CLIC4: variants seen among roughly 807,000 people sequenced by gnomAD.
CLIC4 encodes the protein CLIC family member 4.
A neutral mutation model predicts 24.6 loss-of-function variants in CLIC4; 13 were observed. The observed-to-expected ratio is 0.53, with a 90% CI of 0.34 to 0.84. CLIC4 has a LOEUF of 0.84. Ranked by LOEUF, CLIC4 falls within the 40% of genes least tolerant of loss-of-function variation. CLIC4 has a pLI of 0.01. For missense variants in CLIC4, 227 were observed against 301.7 expected, an observed-to-expected ratio of 0.75 and a Z score of 1.83; for synonymous variants, 104 against 111.3, an observed-to-expected ratio of 0.93 and a Z score of 0.41.
chr1:24,779,259 C>T (rs961887484), intron 1 of CLIC4, among the ~76,000 whole-genome samples: 3 of 152,064 alleles, frequency 2.0e-5, no homozygotes, highest in Non-Finnish European at 4.4e-5. Context: ...CGCTTGAGCC[C>T]AGGGGTTCAA....
At position 24,843,462 on chromosome 1, in the gene CLIC4, T is replaced by C. The variant is rs1358298162; in HGVS notation, c.*2525T>C. ...ATTTAAACACCTTTTGTGTTTTACT[T>C]CAGTGAGGAGATTGGAGTCTGAATG... is the stretch of plus-strand genomic sequence containing the variant. On this transcript the variant is annotated 3_prime_UTR_variant, in exon 6 of 6. Coordinates refer to ENST00000374379, the MANE Select transcript of CLIC4 (RefSeq NM_013943.3). 6.6e-6 allele frequency: 1 copy of C among 152,178 alleles called. No individual in the cohort carries two copies. Among genetic ancestry groups the C allele is most frequent in the Non-Finnish European group, 1.5e-5 (1 of 68,010 alleles). The allele number at this position is 152,178 out of a possible 1,614,324, so 9.4% of individuals were successfully genotyped here. A position where few individuals can be genotyped will look rare whatever the true frequency, so the allele number is the denominator to read the frequency against.
chr1:24,789,059 T>A (rs1639304595), intron 1 of CLIC4, among the ~76,000 whole-genome samples: 1 of 152,206 alleles, frequency 6.6e-6, no homozygotes, highest in Non-Finnish European at 1.5e-5. Flanking sequence ...TGGTCTCTAG[T>A]GTTTTGCTGT....
intron 3 of CLIC4, among the ~76,000 whole-genome samples, chr1:24,824,589 T>C (rs1230620579): frequency 6.6e-6 from 1 of 152,144 alleles, no homozygotes; most frequent in Non-Finnish European, 1.5e-5. Flanking sequence ...TACTTTTAAT[T>C]AGCTGAGTGA....
intron 1 of CLIC4, among the ~76,000 whole-genome samples, chr1:24,758,204 GTATT>G (rs1227642709): frequency 3.3e-5 from 5 of 151,766 alleles, no homozygotes; most frequent in African/African-American, 1.2e-4. Flanking sequence ...AAAGCTATAT[GTATT>G]TACTCTAGAC....
intron 2 of CLIC4, among the ~76,000 whole-genome samples, chr1:24,801,526 T>A (rs759406202): frequency 6.6e-6 from 1 of 152,176 alleles, no homozygotes; most frequent in Non-Finnish European, 1.5e-5. Flanking sequence ...CAATTTGATA[T>A]GAGATTTGGG....
chr1:24,799,188 C>G (rs1187164059), intron 2 of CLIC4, among the ~76,000 whole-genome samples: 1 of 151,626 alleles, frequency 6.6e-6, no homozygotes, highest in Non-Finnish European at 1.5e-5. Flanking sequence ...GCCATCCCAT[C>G]TAGGAAGTGA....
intron 1 of CLIC4, among the ~76,000 whole-genome samples, chr1:24,761,250 A>G (rs1241789092): frequency 6.6e-6 from 1 of 152,150 alleles, no homozygotes; most frequent in Non-Finnish European, 1.5e-5. Flanking sequence ...TTAATACCTC[A>G]TAGAACCTAT....
intron 1 of CLIC4, among the ~76,000 whole-genome samples, chr1:24,794,351 G>GTTTTTTTTTTT (rs767444585): frequency 7.6e-6 from 1 of 130,850 alleles, no homozygotes. Flanking sequence ...GCCAGCATCT[G>GTTTTTTTTTTT]TTTTTTTTTT....
At chr1:24,811,409 G>GT (rs1293439895) in intron 2 of CLIC4, among the ~76,000 whole-genome samples, 1 of 152,172 alleles carries the variant, frequency 6.6e-6, no homozygotes. Flanking sequence ...GGATCACCTG[G>GT]TGAAAGGGTC....
intron 3 of CLIC4, among the ~76,000 whole-genome samples, chr1:24,818,826 GAAAA>G (rs1223138191): frequency 6.9e-6 from 1 of 144,548 alleles, no homozygotes; most frequent in African/African-American, 2.6e-5. Context: ...AAAAAAAAAA[GAAAA>G]AAGATGTTCA....
intron 1 of CLIC4, among the ~76,000 whole-genome samples, chr1:24,751,207 CTTTTTT>C (rs563478354): frequency 9.2e-6 from 1 of 109,040 alleles, no homozygotes; most frequent in Non-Finnish European, 1.9e-5. Context: ...TACTTCCAGT[CTTTTTT>C]TTTTTTTTTT....
At chr1:24,753,288 A>C (rs916799000) in intron 1 of CLIC4, among the ~76,000 whole-genome samples, 6 of 152,242 alleles carry the variant, frequency 3.9e-5, no homozygotes, top group Non-Finnish European at 5.9e-5. Context: ...TAAAGAATGT[A>C]CCGGCATGAA....
Position 24,843,256 on chromosome 1 carries a change from G to A in CLIC4, c.*2319G>A, listed in dbSNP as rs1336312383. 1 of 152,202 alleles carries A rather than the reference G, an allele frequency of 6.6e-6. No homozygotes were observed. The highest frequency in any genetic ancestry group is 1.5e-5 in the Non-Finnish European group (1 of 68,018). The allele number at this position is 152,202 out of a possible 1,614,324, so 9.4% of individuals were successfully genotyped here. On this transcript the variant is annotated 3_prime_UTR_variant, in exon 6 of 6. Coordinates refer to ENST00000374379, the MANE Select transcript of CLIC4 (RefSeq NM_013943.3). ...TTGGTAAATGGACAAAAGCTAGCTA[G>A]TAAAAAGGACGACCCAGCAACATGC...
chr1:24,809,987 ACTT>A (rs1473205097), intron 2 of CLIC4, among the ~76,000 whole-genome samples: 1 of 152,178 alleles, frequency 6.6e-6, no homozygotes, highest in East Asian at 1.9e-4. Flanking sequence ...AATAGAATAA[ACTT>A]CTCCGTAAAC....
At chr1:24,814,861 TC>T (rs1262568540) in intron 3 of CLIC4, among the ~76,000 whole-genome samples, 2 of 152,230 alleles carry the variant, frequency 1.3e-5, no homozygotes, top group Non-Finnish European at 2.9e-5. Flanking sequence ...AGTTTCATTA[TC>T]CTGAAAATTG....
chr1:24,766,332 A>G (rs1015776888), intron 1 of CLIC4, among the ~76,000 whole-genome samples: 2 of 151,178 alleles, frequency 1.3e-5, no homozygotes, highest in Admixed American at 6.6e-5. Flanking sequence ...GGGTTTCACC[A>G]TGTTGGCGAG....
At chr1:24,815,519 T>TA (rs1639659028) in intron 3 of CLIC4, among the ~76,000 whole-genome samples, 1 of 152,050 alleles carries the variant, frequency 6.6e-6, no homozygotes, top group Non-Finnish European at 1.5e-5. Context: ...AAATCATTGC[T>TA]AAAAAATGCT....
At chr1:24,748,507 T>TTG (rs1271436724) in intron 1 of CLIC4, among the ~76,000 whole-genome samples, 143 of 142,964 alleles carry the variant, frequency 1.0e-3, no homozygotes, top group Middle Eastern at 3.5e-3. Context: ...TTGTTTTTTT[T>TTG]TTTTTTTTTT....
intron 3 of CLIC4, among the ~76,000 whole-genome samples, chr1:24,824,844 A>G (rs184956332): frequency 2.0e-4 from 30 of 151,936 alleles, no homozygotes; most frequent in African/African-American, 6.3e-4. Flanking sequence ...ACAAAAAAAT[A>G]CAAAAAGCTA....
Sources: gnomAD v4.1 joint callset for allele counts (sites outside exome capture counted in the v4.1 genomes callset) on GRCh38, gnomAD v4.1.1 for gene constraint, MANE v1.5 for transcripts, NCBI Gene and HGNC (gene_info 2026-07-23, HGNC 2026-07-21) for gene names.